The following MYOM3 variants were observed in gnomAD, a reference collection of about 807,000 sequenced individuals.
MYOM3 encodes myomesin-3.
Under a neutral mutation model 191.7 loss-of-function variants are expected in MYOM3, and 155 were observed. The observed-to-expected ratio is 0.81, with a 90% CI of 0.71 to 0.92. The LOEUF is 0.92. Ranked by LOEUF, MYOM3 falls within the 40% of genes least tolerant of loss-of-function variation. MYOM3 has a pLI of 0.00. For synonymous variants in MYOM3, 757 were observed against 762.9 expected, an observed-to-expected ratio of 0.99 and a Z score of 0.13; for missense variants, 1,889 against 1,890.6, an observed-to-expected ratio of 1.00 and a Z score of 0.02.
chr1:24,083,282 T>C (rs10903091), intron 16 of MYOM3: 61,728 of 152,172 alleles, frequency 0.41, 12,831 homozygotes, highest in East Asian at 0.43. Flanking sequence ...CAGGGAGCTC[T>C]TCTCAGCCAG....
chr1:24,108,402 G>T, intron 2 of MYOM3, 74 bp downstream of exon 2: 1 of 1,410,270 alleles, frequency 7.1e-7, no homozygotes, highest in African/African-American at 1.4e-5. Context: ...CAGAGGGCTA[G>T]GCTGGGCCTC....
chr1:24,072,618 T>G (rs997868774), intron 23 of MYOM3, among the ~76,000 whole-genome samples: 3 of 151,596 alleles, frequency 2.0e-5, no homozygotes, highest in Admixed American at 6.5e-5. Flanking sequence ...CACTGCAACC[T>G]CCGCCTCCAG....
intron 8 of MYOM3, 85 bp downstream of exon 8, chr1:24,095,357 C>T: frequency 1.5e-6 from 2 of 1,302,168 alleles, no homozygotes; most frequent in Middle Eastern, 2.0e-4. Context: ...CAGGGGATGG[C>T]TATATTCTAA....
intron 20 of MYOM3, among the ~76,000 whole-genome samples, chr1:24,077,296 T>C (rs192003303): frequency 6.6e-6 from 1 of 152,326 alleles, no homozygotes; most frequent in Admixed American, 6.5e-5. Flanking sequence ...GATGTGTACA[T>C]CTTTTAGTGG....
chr1:24,106,861 G>A (rs991234431), intron 4 of MYOM3, among the ~76,000 whole-genome samples: 8 of 152,172 alleles, frequency 5.3e-5, no homozygotes, highest in Admixed American at 5.2e-4. Flanking sequence ...GAGCCACTGC[G>A]CCCAGCCCAA....
intron 1 of MYOM3, among the ~76,000 whole-genome samples, chr1:24,109,583 A>G (rs1252246209): frequency 6.6e-6 from 1 of 152,214 alleles, no homozygotes; most frequent in Non-Finnish European, 1.5e-5. Context: ...GTTCAACAAG[A>G]CTGTAAGTGA....
intron 21 of MYOM3, among the ~76,000 whole-genome samples, 161 bp downstream of exon 21, chr1:24,075,998 C>G (rs1643594147): frequency 6.6e-6 from 1 of 152,192 alleles, no homozygotes; most frequent in African/African-American, 2.4e-5. Context: ...AAAATCAGTG[C>G]CAGTGTGGGA....
At chr1:24,099,006 C>T (rs1021273215) in intron 6 of MYOM3, among the ~76,000 whole-genome samples, 6 of 152,084 alleles carry the variant, frequency 3.9e-5, no homozygotes, top group African/African-American at 1.2e-4. Flanking sequence ...GATTATGGAT[C>T]GTATGTGAAA....
intron 25 of MYOM3, among the ~76,000 whole-genome samples, chr1:24,070,703 C>T (rs1044332293): frequency 1.3e-5 from 2 of 151,930 alleles, no homozygotes; most frequent in Non-Finnish European, 2.9e-5. Flanking sequence ...GTCCCCATCT[C>T]TAATTAAAAA....
intron 2 of MYOM3, 109 bp downstream of exon 2, chr1:24,108,367 C>G: frequency 8.3e-7 from 1 of 1,209,862 alleles, no homozygotes; most frequent in Non-Finnish European, 1.1e-6. Flanking sequence ...CAGGGATGTC[C>G]CTCCCCCCAT....
At chr1:24,105,872 A>C (rs750789490) in intron 5 of MYOM3, 48 bp downstream of exon 5, 8 of 1,537,910 alleles carry the variant, frequency 5.2e-6, no homozygotes, top group Non-Finnish European at 7.0e-6. Flanking sequence ...TGAGGAACTC[A>C]CTTGTGACCC....
At chr1:24,109,126 C>T (rs2148563636) in intron 1 of MYOM3, among the ~76,000 whole-genome samples, 1 of 152,324 alleles carries the variant, frequency 6.6e-6, no homozygotes, top group South Asian at 2.1e-4. Context: ...GGCCTTTGCC[C>T]ACGCTGGTTT....
Position 24,087,972 on chromosome 1 carries a change from G to A in MYOM3, c.1615-1145C>T, listed in dbSNP as rs976006283. ...AGGAAAGTCAGGTTCAGAGAGTTTC[G>A]GTAACTTGGCCAAAAGTCCTGCATC... is the stretch of plus-strand genomic sequence containing the variant. On this transcript the variant is annotated intron_variant, in intron 14 of 36. Transcript: ENST00000374434. The surrounding 1 kb of genome is among the most constrained non-coding windows in gnomAD (Gnocchi z 4.5). Among the ~76,000 whole-genome samples, 2 of 152,122 alleles carry A rather than the reference G, an allele frequency of 1.3e-5. No individual in the cohort carries two copies. The highest frequency in any genetic ancestry group is 6.5e-5 in the Admixed American group (1 of 15,270).
At position 24,111,008 on chromosome 1, in the gene MYOM3, C is replaced by T. The variant is rs753671791; in HGVS notation, c.-19+1023G>A. On this transcript the variant is annotated intron_variant, in intron 1 of 36. Coordinates refer to ENST00000374434, the MANE Select transcript of MYOM3 (RefSeq NM_152372.4). This position sits in a 1 kb window ranked among gnomAD's most constrained non-coding sequence, Gnocchi z 4.7. ...ATTAGCACAGCAGGCAGGGGCCTGG[C>T]GCTCGTCCCTGACCTCGGGGCCTCC... Among the ~76,000 whole-genome samples the T allele has an allele frequency of 2.6e-5, 4 of 152,236 alleles. No individual in the cohort carries two copies. The highest frequency in any genetic ancestry group is 4.8e-5 in the African/African-American group (2 of 41,460).
At chr1:24,096,485 C>A (rs1475207316) in intron 7 of MYOM3, among the ~76,000 whole-genome samples, 1 of 152,120 alleles carries the variant, frequency 6.6e-6, no homozygotes, top group Non-Finnish European at 1.5e-5. Context: ...CAGTCCCTGA[C>A]CTTGGGCTTG....
At chr1:24,070,053 G>C (rs757183337) in intron 25 of MYOM3, among the ~76,000 whole-genome samples, 26 of 152,040 alleles carry the variant, frequency 1.7e-4, no homozygotes, top group Non-Finnish European at 3.2e-4. Flanking sequence ...AAATCATGTG[G>C]TTCAATCTAA....
At chr1:24,061,799 C>T in intron 33 of MYOM3, 147 bp downstream of exon 33, 1 of 820,834 alleles carries the variant, frequency 1.2e-6, no homozygotes, top group Non-Finnish European at 1.9e-6. Flanking sequence ...ACTATGTTGC[C>T]CAGACTGGTC....
intron 14 of MYOM3, 27 bp downstream of exon 14, chr1:24,089,511 T>A: frequency 6.3e-7 from 1 of 1,581,122 alleles, no homozygotes; most frequent in Non-Finnish European, 8.6e-7. Context: ...CAGGCTGGCC[T>A]GGGGCTGGGG....
In MYOM3 at chr1:24,111,725, C is replaced by T. The variant is rs1474987547; in HGVS notation, c.-19+306G>A. The stretch of plus-strand genomic sequence containing the variant: ...TCCATCACAGGAAAGACTCCAGTTC[C>T]CAGGGCAGCCCCCACTCTTTTTTTT... On this transcript the variant is annotated intron_variant, in intron 1 of 36. Transcript: ENST00000374434. This position sits in a 1 kb window ranked among gnomAD's most constrained non-coding sequence, Gnocchi z 4.7. Among the ~76,000 whole-genome samples the T allele has an allele frequency of 6.6e-6, 1 of 152,020 alleles. No homozygotes were observed. The highest frequency in any genetic ancestry group is 1.5e-5 in the Non-Finnish European group (1 of 68,004).
Sources: gnomAD v4.1 joint callset for allele counts (sites outside exome capture counted in the v4.1 genomes callset) on GRCh38, gnomAD v4.1.1 for gene constraint, Gnocchi (gnomAD v3.1) non-coding constraint, MANE v1.5 for transcripts, NCBI Gene and HGNC (gene_info 2026-07-23, HGNC 2026-07-21) for gene names.